GFAP: variants seen among roughly 807,000 people sequenced by gnomAD.
GFAP encodes glial fibrillary acidic protein, also known as intermediate filament protein.
GFAP carries 38 observed loss-of-function variants against 49.3 expected under a neutral mutation model. The observed-to-expected ratio is 0.77, with a 90% CI of 0.60 to 1.01. The LOEUF is 1.01. GFAP is among the 50% of genes least tolerant of loss of function. The pLI, the probability that GFAP is intolerant of heterozygous loss-of-function variation, is 0.00. For missense variants in GFAP, 463 were observed against 579.1 expected (o/e 0.80, Z 2.06); for synonymous variants, 222 against 236.4 (o/e 0.94, Z 0.56).
Position 44,903,841 on chromosome 17 carries a change from C to T in GFAP, c.*3506G>A. On this transcript the variant is annotated 3_prime_UTR_variant, in exon 9 of 9. Coordinates refer to ENST00000588735, the MANE Select transcript of GFAP (RefSeq NM_002055.5). Reference sequence around the variant, plus strand: ...TGCCTCCTTCAGGTATGCACCTGGCCCTCACCACTGTGCTCCTGTGGGCAT... The same window carrying T: ...TGCCTCCTTCAGGTATGCACCTGGCTCTCACCACTGTGCTCCTGTGGGCAT... 1 of 1,548,580 alleles carries T rather than the reference C, an allele frequency of 6.5e-7. No individual in the cohort carries two copies.
chr17:44,915,455 C>A lies in GFAP; in HGVS notation c.32G>T (p.Arg11Leu). 1 of 1,602,554 alleles carries A rather than the reference C, an allele frequency of 6.2e-7. No individual in the cohort carries two copies. Among genetic ancestry groups the A allele is most frequent in the Non-Finnish European group, 8.5e-7 (1 of 1,175,172 alleles). Residue 11 changes from arginine (R) to leucine (L), a missense_variant, in exon 1 of 9, where the codon CGC (arginine) becomes CTC (leucine). Arg to Leu is a moderately radical substitution (Grantham distance 102). Coordinates refer to ENST00000588735, the MANE Select transcript of GFAP (RefSeq NM_002055.5). The surrounding 1 kb of genome is among the most constrained non-coding windows in gnomAD (Gnocchi z 4.1). The stretch of plus-strand genomic sequence containing the variant: ...CTCCCCTGAGGAGACGTAGGAGCGG[C>A]GAGCAGCGGAGGTGATGCGTCTCCT... MERRRITSAA[R>L]RSYVSSGEMM...
chr17:44,914,183 C>A (rs1211976349), intron 1 of GFAP, 95 bp from the exon 2 acceptor site: 2 of 852,118 alleles, frequency 2.3e-6, no homozygotes, highest in Non-Finnish European at 3.9e-6. Flanking sequence ...ACAGAGACCA[C>A]CCCCACCCAG....
At position 44,903,672 on chromosome 17, in the gene GFAP, G is replaced by T. The variant is rs1350285834; in HGVS notation, c.*3675C>A. ...ACATCCACTGGGAATAAATTGCCTT[G>T]CACTTGGCGGCTTCCTCTGCAGATT... On this transcript the variant is annotated 3_prime_UTR_variant, in exon 9 of 9. Transcript: ENST00000588735. The T allele has an allele frequency of 4.2e-6, 6 of 1,435,392 alleles. No homozygotes were observed. The highest frequency in any genetic ancestry group is 5.4e-6 in the Non-Finnish European group (6 of 1,100,958). The allele number at this position is 1,435,392 out of a possible 1,614,324, so 88.9% of individuals were successfully genotyped here.
chr17:44,910,391 G>A, intron 7 of GFAP: 1 of 1,606,284 alleles, frequency 6.2e-7, no homozygotes. Flanking sequence ...TGCAGGGAGG[G>A]GAAGAGGGAC....
chr17:44,913,934 A>G (rs1208925397), intron 2 of GFAP, 94 bp downstream of exon 2: 14 of 1,305,526 alleles, frequency 1.1e-5, no homozygotes, highest in Non-Finnish European at 1.6e-5. Flanking sequence ...GGAGCAGCAC[A>G]TTGCTCTGGC....
chr17:44,908,713 TAGTC>T (rs2051693101), intron 7 of GFAP: 1 of 152,206 alleles, frequency 6.6e-6, no homozygotes. Flanking sequence ...ATACAAAAAT[TAGTC>T]AGGCATGGTG....
Position 44,905,156 on chromosome 17 carries a change from TG to T in GFAP, c.*2190del. ...ATGTCTCTGGGTGGGTACCCTGGGT[TG>T]GGACAGGTGGTAGGAACATGTGGAC... is the stretch of plus-strand genomic sequence containing the variant. On this transcript the variant is annotated 3_prime_UTR_variant, in exon 9 of 9. Transcript: ENST00000588735. The T allele has an allele frequency of 9.4e-7, 1 of 1,060,984 alleles. No homozygotes were observed. The highest frequency in any genetic ancestry group is 2.6e-5 in the Admixed American group (1 of 38,448). The allele number at this position is 1,060,984 out of a possible 1,614,324, so 65.7% of individuals were successfully genotyped here. A position where few individuals can be genotyped will look rare whatever the true frequency, so the allele number is the denominator to read the frequency against.
At position 44,904,035 on chromosome 17, in the gene GFAP, AG is replaced by A; in HGVS notation, c.*3311del. On this transcript the variant is annotated 3_prime_UTR_variant, in exon 9 of 9. Transcript: ENST00000588735. ...CCAGCTGTAGTCTGGTTCTACCAAA[AG>A]CACCTAGGTAGCAGCCACACCAAAG... 1 of 1,550,618 alleles carries A rather than the reference AG, an allele frequency of 6.4e-7. No homozygotes were observed. The highest frequency in any genetic ancestry group is 8.7e-7 in the Non-Finnish European group (1 of 1,147,004).
rs187041289 is a variant in GFAP, at chr17:44,907,545, G to C, written c.1258-157C>G. On this transcript the variant is annotated intron_variant, in intron 8 of 8. Transcript: ENST00000588735. ...CAGCTGCCTTGCGTGGTGGACAGAG[G>C]GGGTGGTGAGATAACACTGGGAAAG... The C allele has an allele frequency of 7.5e-4, 522 of 700,070 alleles. 1 individual carries two copies. In the African/African-American group the frequency reaches 7.7e-3, roughly 10 times the overall value. The allele number at this position is 700,070 out of a possible 1,614,324, so 43.4% of individuals were successfully genotyped here. A position where few individuals can be genotyped will look rare whatever the true frequency, so the allele number is the denominator to read the frequency against.
In GFAP at chr17:44,904,171, G is replaced by C; in HGVS notation, c.*3176C>G. On this transcript the variant is annotated 3_prime_UTR_variant, in exon 9 of 9. Coordinates refer to ENST00000588735, the MANE Select transcript of GFAP (RefSeq NM_002055.5). Reference sequence around the variant, plus strand: ...GCATGTTCAGCTTGTTGGTTTTCAGGGCTCAGTCTGAGGACTCAGGCCTGT... The same window carrying C: ...GCATGTTCAGCTTGTTGGTTTTCAGCGCTCAGTCTGAGGACTCAGGCCTGT... 1 of 1,550,420 alleles carries C rather than the reference G, an allele frequency of 6.4e-7. No individual in the cohort carries two copies. Among genetic ancestry groups the C allele is most frequent in the South Asian group, 1.2e-5 (1 of 84,044 alleles).
Position 44,911,765 on chromosome 17 carries a change from G to A in GFAP, c.813C>T (p.Asn271=), listed in dbSNP as rs896777690. The A allele has an allele frequency of 6.2e-6, 10 of 1,613,702 alleles. No homozygotes were observed. Among genetic ancestry groups the A allele is most frequent in the Non-Finnish European group, 8.5e-6 (10 of 1,179,962 alleles). Residue 271 remains asparagine, a synonymous_variant, in exon 5 of 9, where the codon AAC becomes AAT. Coordinates refer to ENST00000588735, the MANE Select transcript of GFAP (RefSeq NM_002055.5). ...GCTTGGCCTGGCGGAGCAGCTCCGCGTTGCGGGCAGCAGCGTCTGTCAGGT... is the reference window on the plus strand; with the variant it reads ...GCTTGGCCTGGCGGAGCAGCTCCGCATTGCGGGCAGCAGCGTCTGTCAGGT... ...FADLTDAAAR[N]AELLRQAKHE...
intron 1 of GFAP, chr17:44,914,704 A>C: frequency 2.4e-6 from 1 of 420,314 alleles, no homozygotes; most frequent in African/African-American, 2.0e-5. Flanking sequence ...AGAATAGGTG[A>C]GCTCGCTGCC....
In GFAP at chr17:44,910,595, C is replaced by G. The variant is rs369540242; in HGVS notation, c.1171+20G>C. On this transcript the variant is annotated intron_variant, in intron 7 of 8. Coordinates refer to ENST00000588735, the MANE Select transcript of GFAP (RefSeq NM_002055.5). ...GGGCAGGACTCCAGTGCCCTTCCCA[C>G]GAGGCCCTGCTGTACTGACCTCGAA... The G allele has an allele frequency of 1.7e-5, 26 of 1,567,154 alleles. No individual in the cohort carries two copies. The Middle Eastern group carries it at 5.0e-4, about 30-fold the overall frequency.
At position 44,903,861 on chromosome 17, in the gene GFAP, G is replaced by A. The variant is rs1322804946; in HGVS notation, c.*3486C>T. 2 of 1,536,684 alleles carry A rather than the reference G, an allele frequency of 1.3e-6. No individual in the cohort carries two copies. Among genetic ancestry groups the A allele is most frequent in the South Asian group, 2.4e-5 (2 of 83,526 alleles). On this transcript the variant is annotated 3_prime_UTR_variant, in exon 9 of 9. Coordinates refer to ENST00000588735, the MANE Select transcript of GFAP (RefSeq NM_002055.5). ...CTGGCCCTCACCACTGTGCTCCTGT[G>A]GGCATGGGGGCTCCAGGCCTTTGAA...
At position 44,904,064 on chromosome 17, in the gene GFAP, C is replaced by T. The variant is rs889441771; in HGVS notation, c.*3283G>A. Reference sequence around the variant, plus strand: ...CCTAGGTAGCAGCCACACCAAAGTGCTGACGGACTTTGATGGGCGGGTGCT... The same window carrying T: ...CCTAGGTAGCAGCCACACCAAAGTGTTGACGGACTTTGATGGGCGGGTGCT... On this transcript the variant is annotated 3_prime_UTR_variant, in exon 9 of 9. Coordinates refer to ENST00000588735, the MANE Select transcript of GFAP (RefSeq NM_002055.5). 1.3e-6 allele frequency: 2 copies of T among 1,550,552 alleles called. No homozygotes were observed. The highest frequency in any genetic ancestry group is 1.4e-5 in the African/African-American group (1 of 73,058).
Position 44,907,242 on chromosome 17 carries a change from G to A in GFAP, c.*105C>T. 1 of 1,047,856 alleles carries A rather than the reference G, an allele frequency of 9.5e-7. No individual in the cohort carries two copies. 64.9% of individuals were successfully genotyped at this position (1,047,856 alleles called of 1,614,324 possible). A position where few individuals can be genotyped will look rare whatever the true frequency, so the allele number is the denominator to read the frequency against. On this transcript the variant is annotated 3_prime_UTR_variant, in exon 9 of 9. Coordinates refer to ENST00000588735, the MANE Select transcript of GFAP (RefSeq NM_002055.5). Reference sequence around the variant, plus strand: ...AGGGAGGGGAGCAGCTGGGGTGGTGGGGAGCTCAGGTCTGGGGAAATGTGC... The same window carrying A: ...AGGGAGGGGAGCAGCTGGGGTGGTGAGGAGCTCAGGTCTGGGGAAATGTGC...
In GFAP at chr17:44,905,083, A is replaced by T; in HGVS notation, c.*2264T>A. ...GCTTCTCCCCCTAGGAGCTCTCTTC[A>T]GCTCTGAAGACCAGTTGTCCTTCAA... On this transcript the variant is annotated 3_prime_UTR_variant, in exon 9 of 9. Transcript: ENST00000588735. 1.3e-6 allele frequency: 2 copies of T among 1,512,636 alleles called. No individual in the cohort carries two copies. Among genetic ancestry groups the T allele is most frequent in the Non-Finnish European group, 1.8e-6 (2 of 1,121,920 alleles). The allele number at this position is 1,512,636 out of a possible 1,614,324, so 93.7% of individuals were successfully genotyped here.
Position 44,904,324 on chromosome 17 carries a change from C to T in GFAP, c.*3023G>A, listed in dbSNP as rs1047002740. The stretch of plus-strand genomic sequence containing the variant: ...CCTTTGCAGATGAATACTATGGGCA[C>T]CTCCATGTCTTCACCACCTTCTGGG... On this transcript the variant is annotated 3_prime_UTR_variant, in exon 9 of 9. Coordinates refer to ENST00000588735, the MANE Select transcript of GFAP (RefSeq NM_002055.5). The T allele has an allele frequency of 2.6e-6, 4 of 1,543,326 alleles. No homozygotes were observed. Among genetic ancestry groups the T allele is most frequent in the African/African-American group, 1.4e-5 (1 of 72,902 alleles).
Position 44,911,799 on chromosome 17 carries a change from T to A in GFAP, c.781-2A>T. The A allele has an allele frequency of 6.2e-7, 1 of 1,612,422 alleles. No individual in the cohort carries two copies. The highest frequency in any genetic ancestry group is 8.5e-7 in the Non-Finnish European group (1 of 1,179,490). On this transcript the variant is annotated splice_acceptor_variant, in intron 4 of 8. Transcript: ENST00000588735. LOFTEE classifies it high-confidence loss of function. Reference sequence around the variant, plus strand: ...AGCAGCGTCTGTCAGGTCTGCAAACTAGGTGGGGGACACATATGGGGGGCT... The same window carrying A: ...AGCAGCGTCTGTCAGGTCTGCAAACAAGGTGGGGGACACATATGGGGGGCT...
Sources: allele counts gnomAD v4.1 joint callset, GRCh38; gene constraint gnomAD v4.1.1; non-coding constraint Gnocchi (gnomAD v3.1); transcripts MANE v1.5; gene names NCBI Gene and HGNC (gene_info 2026-07-23, HGNC 2026-07-21).